BABAM2: variants seen among roughly 807,000 people sequenced by gnomAD.
The protein encoded by BABAM2 is BRISC and BRCA1 A complex member 2.
A neutral mutation model predicts 54.7 loss-of-function variants in BABAM2; 31 were observed. The ratio of observed to expected loss-of-function variants is 0.57; its 90% CI spans 0.43 to 0.77. BABAM2 has a LOEUF of 0.77. BABAM2 is among the 30% of genes least tolerant of loss of function. The probability of loss-of-function intolerance (pLI) is 0.00; values close to 1 mark genes in which losing one functional copy is unlikely to be tolerated. For missense variants in BABAM2, 364 were observed against 455.8 expected (o/e 0.80, Z 1.83); for synonymous variants, 167 against 162.9 (o/e 1.03, Z -0.19).
At position 28,245,165 on chromosome 2, in the gene BABAM2, C is replaced by T. The variant is rs116304939; in HGVS notation, c.934+303C>T. 4.9e-3 allele frequency among the ~76,000 whole-genome samples: 739 copies of T among 152,160 alleles called. 2 individuals are homozygous for T. Among genetic ancestry groups the T allele is most frequent in the African/African-American group, 0.017 (699 of 41,530 alleles). On this transcript the variant is annotated intron_variant, in intron 10 of 11. Transcript: ENST00000379624. ...GGTAGAGGTCAGTGATGCAGCTAAA[C>T]ATCCTACAATGCACATGACAGCCCC... is the stretch of plus-strand genomic sequence containing the variant.
intron 6 of BABAM2, 114 bp downstream of exon 6, chr2:28,045,913 T>A: frequency 1.2e-6 from 1 of 828,910 alleles, no homozygotes; most frequent in Non-Finnish European, 1.8e-6. Context: ...TGAATTCTAT[T>A]AAAAATATTT....
chr2:28,176,506 G>A (rs1674960392), intron 7 of BABAM2, among the ~76,000 whole-genome samples: 1 of 129,408 alleles, frequency 7.7e-6, no homozygotes. Flanking sequence ...GGAGGCAGAG[G>A]TTGCAGTGAG....
At chr2:28,262,683 G>T (rs1483186987) in intron 10 of BABAM2, among the ~76,000 whole-genome samples, 1 of 152,152 alleles carries the variant, frequency 6.6e-6, no homozygotes, top group East Asian at 1.9e-4. Flanking sequence ...GGGATATAAT[G>T]AGTTTTAGGA....
intron 11 of BABAM2, among the ~76,000 whole-genome samples, chr2:28,328,109 G>T (rs1045173874): frequency 6.6e-6 from 1 of 152,142 alleles, no homozygotes; most frequent in Non-Finnish European, 1.5e-5. Flanking sequence ...ACAGAAGCAG[G>T]TCTCTTTGTA....
intron 2 of BABAM2, among the ~76,000 whole-genome samples, chr2:27,911,998 G>A (rs190383152): frequency 5.9e-5 from 9 of 152,248 alleles, no homozygotes; most frequent in Admixed American, 5.2e-4. Flanking sequence ...AAAGAAAAGA[G>A]CCATTCTTCT....
rs564614553 is a variant in BABAM2, at chr2:28,127,743, C to T, written c.571-1528C>T. Among the ~76,000 whole-genome samples the T allele has an allele frequency of 1.9e-4, 28 of 150,934 alleles. No homozygotes were observed. In the South Asian group the frequency reaches 4.4e-3, roughly 24 times the overall value. ...CAGGATGAAGGAAAAGAAGGGGTGG[C>T]ATGACAGACAAAAGACATTGTATTT... On this transcript the variant is annotated intron_variant, in intron 6 of 11. Transcript: ENST00000379624.
chr2:28,092,784 C>G (rs1046992996), intron 6 of BABAM2, among the ~76,000 whole-genome samples: 1 of 152,184 alleles, frequency 6.6e-6, no homozygotes. Flanking sequence ...CGCTCTCTCT[C>G]TCTCTCTGCC....
chr2:28,119,248 A>G (rs1044602793), intron 6 of BABAM2, among the ~76,000 whole-genome samples: 4 of 152,228 alleles, frequency 2.6e-5, no homozygotes, highest in Non-Finnish European at 5.9e-5. Context: ...AAATGTATTA[A>G]GAGCACACTT....
chr2:28,326,601 C>T (rs532447950), intron 11 of BABAM2, among the ~76,000 whole-genome samples: 77 of 152,276 alleles, frequency 5.1e-4, no homozygotes, highest in Admixed American at 3.1e-3. Context: ...ATGATGGGCA[C>T]GGCAGTCTGA....
At chr2:27,936,555 C>T (rs1668500481) in intron 3 of BABAM2, among the ~76,000 whole-genome samples, 1 of 152,160 alleles carries the variant, frequency 6.6e-6, no homozygotes, top group Admixed American at 6.5e-5. Flanking sequence ...ACCCAAATGT[C>T]CAACAATGAT....
At chr2:28,072,907 T>C (rs866497226) in intron 6 of BABAM2, among the ~76,000 whole-genome samples, 5 of 152,248 alleles carry the variant, frequency 3.3e-5, no homozygotes, top group African/African-American at 9.6e-5. Context: ...ACAAGGTTAA[T>C]CTATTTCAAC....
At chr2:27,916,613 T>G (rs1040689311) in intron 2 of BABAM2, among the ~76,000 whole-genome samples, 17 of 152,338 alleles carry the variant, frequency 1.1e-4, no homozygotes, top group African/African-American at 3.9e-4. Context: ...ATCCAGGGTT[T>G]AATGCATTCT....
At chr2:28,237,036 A>G (rs1681978875) in intron 7 of BABAM2, among the ~76,000 whole-genome samples, 166 bp from the exon 8 acceptor site, 1 of 152,228 alleles carries the variant, frequency 6.6e-6, no homozygotes, top group Non-Finnish European at 1.5e-5. Context: ...TAAATGAATT[A>G]AAATACAGAA....
intron 7 of BABAM2, among the ~76,000 whole-genome samples, chr2:28,131,911 G>C (rs1211805076): frequency 6.6e-6 from 1 of 152,128 alleles, no homozygotes; most frequent in Admixed American, 6.5e-5. Flanking sequence ...TAGTTAAGCT[G>C]CAGGCAATAA....
At position 28,014,627 on chromosome 2, in the gene BABAM2, C is replaced by T. The variant is rs1432749003; in HGVS notation, c.301-10599C>T. Among the ~76,000 whole-genome samples the T allele has an allele frequency of 2.5e-4, 37 of 146,456 alleles. 1 individual carries two copies. The highest frequency in any genetic ancestry group is 8.6e-4 in the African/African-American group (34 of 39,764). On this transcript the variant is annotated intron_variant, in intron 4 of 11. Coordinates refer to ENST00000379624, the MANE Select transcript of BABAM2 (RefSeq NM_199191.3). ...TTTTTCTTTTTTTTTTTTTGCCACT[C>T]AACTTGTTTATGGTTAAGTCTCAGC...
chr2:28,148,321 T>G (rs1671695727), intron 7 of BABAM2, among the ~76,000 whole-genome samples: 1 of 152,210 alleles, frequency 6.6e-6, no homozygotes, highest in Non-Finnish European at 1.5e-5. Flanking sequence ...GACTGTTTAT[T>G]AAGCTTATGC....
At chr2:28,095,042 C>T (rs1034170451) in intron 6 of BABAM2, among the ~76,000 whole-genome samples, 1 of 151,932 alleles carries the variant, frequency 6.6e-6, no homozygotes, top group Admixed American at 6.6e-5. Context: ...AGTGAATAAC[C>T]TTGTAAATGC....
intron 7 of BABAM2, among the ~76,000 whole-genome samples, chr2:28,132,287 C>T (rs980783000): frequency 4.6e-5 from 7 of 151,864 alleles, no homozygotes; most frequent in African/African-American, 1.2e-4. Flanking sequence ...TACAGGCGCC[C>T]GCCACCACGC....
intron 11 of BABAM2, among the ~76,000 whole-genome samples, chr2:28,336,332 A>G (rs1373874434): frequency 6.6e-6 from 1 of 152,194 alleles, no homozygotes; most frequent in Non-Finnish European, 1.5e-5. Flanking sequence ...AGAAAACCAA[A>G]TTGGTCAGAG....
Sources: gnomAD v4.1 joint callset for allele counts (sites outside exome capture counted in the v4.1 genomes callset) on GRCh38, gnomAD v4.1.1 for gene constraint, MANE v1.5 for transcripts, NCBI Gene and HGNC (gene_info 2026-07-23, HGNC 2026-07-21) for gene names.